Variants in HHLA1 observed in about 807,000 individuals in gnomAD.
HHLA1 encodes the protein HERV-H LTR-associating protein 1.
A neutral mutation model predicts 69.9 loss-of-function variants in HHLA1; 72 were observed. The observed-to-expected ratio is 1.03, with a 90% CI of 0.85 to 1.25. The LOEUF (loss-of-function observed/expected upper bound fraction) is 1.25, where lower values mean the gene tolerates loss of function less well. Among genes scored for constraint, HHLA1 ranks in the 50% most tolerant of loss-of-function variants. The pLI is 0.00. For synonymous variants in HHLA1, 252 were observed against 233.2 expected, an observed-to-expected ratio of 1.08 and a Z score of -0.73; for missense variants, 685 against 642.2, an observed-to-expected ratio of 1.07 and a Z score of -0.72.
At chr8:132,082,905 G>T (rs1041037857) in intron 10 of HHLA1, among the ~76,000 whole-genome samples, 24 of 151,944 alleles carry the variant, frequency 1.6e-4, no homozygotes, top group Admixed American at 2.6e-4. Flanking sequence ...AGTTTATAGG[G>T]TTTAAAAGGC....
At chr8:132,102,071 C>T (rs1285093647) in intron 3 of HHLA1, among the ~76,000 whole-genome samples, 2 of 152,168 alleles carry the variant, frequency 1.3e-5, no homozygotes. Context: ...ATTTTAGATA[C>T]CTCATGAAAG....
chr8:132,082,990 G>A (rs1173919269), intron 10 of HHLA1, among the ~76,000 whole-genome samples: 2 of 151,424 alleles, frequency 1.3e-5, no homozygotes, highest in East Asian at 1.9e-4. Context: ...TTGGCATTGA[G>A]TGGGGTAAGG....
At position 132,098,895 on chromosome 8, in the gene HHLA1, A is replaced by G. The variant is rs1327192705; in HGVS notation, c.267T>C (p.Ser89=). 2 of 1,549,260 alleles carry G rather than the reference A, an allele frequency of 1.3e-6. No homozygotes were observed. Among genetic ancestry groups the G allele is most frequent in the East Asian group, 2.4e-5 (1 of 40,910 alleles). ...AAATATGATTACCTTTTAACGCTCT[A>G]CTGAGCATCCCATTCACAAGCTCTG... ...NLTELVNGML[S]RALKDSKKFF... is the part of the protein sequence containing the mutation. Residue 89 remains serine (S), a synonymous_variant, in exon 5 of 17, where the codon AGT becomes AGC. Coordinates refer to ENST00000414222, the MANE Select transcript of HHLA1 (RefSeq NM_001145095.3).
intron 7 of HHLA1, among the ~76,000 whole-genome samples, chr8:132,091,043 T>C (rs2014357): frequency 0.089 from 13,484 of 152,234 alleles, 745 homozygotes; most frequent in South Asian, 0.23. Context: ...GACCAGTCTG[T>C]TCTTAGTCAT....
At chr8:132,066,769 AC>A (rs1171861311) in intron 15 of HHLA1, among the ~76,000 whole-genome samples, 1 of 152,238 alleles carries the variant, frequency 6.6e-6, no homozygotes, top group Admixed American at 6.5e-5. Context: ...AAGGGCTATC[AC>A]CCCCAATTTA....
chr8:132,074,300 A>G (rs1823598108), intron 14 of HHLA1, among the ~76,000 whole-genome samples: 3 of 151,688 alleles, frequency 2.0e-5, no homozygotes, highest in Non-Finnish European at 4.4e-5. Context: ...TCTCTTAAGA[A>G]TCTAGTCACT....
At chr8:132,090,143 T>C (rs1823925370) in intron 7 of HHLA1, among the ~76,000 whole-genome samples, 1 of 152,160 alleles carries the variant, frequency 6.6e-6, no homozygotes, top group African/African-American at 2.4e-5. Flanking sequence ...GAACTGATGG[T>C]GGTGCTGGTG....
At chr8:132,070,338 A>G (rs545524363) in intron 15 of HHLA1, 5 of 702,054 alleles carry the variant, frequency 7.1e-6, no homozygotes, top group East Asian at 2.7e-5. Context: ...AAGTTTTCCA[A>G]CTTATTTTGC....
chr8:132,083,352 C>T (rs1163886955), intron 10 of HHLA1, among the ~76,000 whole-genome samples: 2 of 151,980 alleles, frequency 1.3e-5, no homozygotes, highest in African/African-American at 2.4e-5. Flanking sequence ...GCAAGGGAAA[C>T]AGGCCCTTGA....
At chr8:132,108,291 C>T (rs933781116) in intron 1 of HHLA1, among the ~76,000 whole-genome samples, 4 of 151,924 alleles carry the variant, frequency 2.6e-5, no homozygotes, top group South Asian at 2.1e-4. Context: ...AAAGTAATGG[C>T]GAAAACCTCA....
At chr8:132,101,582 ATT>A (rs56123548) in intron 3 of HHLA1, among the ~76,000 whole-genome samples, 55 of 145,304 alleles carry the variant, frequency 3.8e-4, no homozygotes, top group East Asian at 1.0e-3. Flanking sequence ...TACCCTATTA[ATT>A]TTTTTTTTTT....
At chr8:132,070,509 G>C in intron 15 of HHLA1, 1 of 628,092 alleles carries the variant, frequency 1.6e-6, no homozygotes. Context: ...TACTTAACAT[G>C]ACACAAGTTA....
chr8:132,098,764 C>T (rs1270224284), intron 5 of HHLA1, 118 bp downstream of exon 5: 2 of 644,458 alleles, frequency 3.1e-6, no homozygotes, highest in African/African-American at 3.7e-5. Flanking sequence ...CCACTCTGAA[C>T]ACCGAGAAAC....
chr8:132,087,571 G>A (rs920520081), intron 10 of HHLA1, 82 bp downstream of exon 10: 3 of 808,994 alleles, frequency 3.7e-6, no homozygotes, highest in Admixed American at 2.3e-5. Context: ...CAACACCTGA[G>A]GGCAGCTTTC....
At chr8:132,074,644 A>G (rs1823603840) in intron 14 of HHLA1, among the ~76,000 whole-genome samples, 1 of 152,238 alleles carries the variant, frequency 6.6e-6, no homozygotes. Flanking sequence ...GAGAAATGCC[A>G]GAACCCCTTT....
intron 14 of HHLA1, 104 bp downstream of exon 14, chr8:132,075,951 A>C: frequency 1.2e-6 from 1 of 804,026 alleles, no homozygotes; most frequent in Admixed American, 2.3e-5. Context: ...GAATCCCATG[A>C]GTCTGATTTT....
Position 132,071,512 on chromosome 8 carries a change from G to T in HHLA1, c.1316-19C>A. The stretch of plus-strand genomic sequence containing the variant: ...GGACACCCTAGAAGATGCAATCCCA[G>T]ACCAATTAAATCAGTAAGAGTTTAG... On this transcript the variant is annotated intron_variant, in intron 14 of 16. Transcript: ENST00000414222. 1 of 1,549,912 alleles carries T rather than the reference G, an allele frequency of 6.5e-7. No homozygotes were observed. The highest frequency in any genetic ancestry group is 2.0e-5 in the Admixed American group (1 of 50,820).
At position 132,099,953 on chromosome 8, in the gene HHLA1, G is replaced by T. The variant is rs554182693; in HGVS notation, c.199+122C>A. The T allele has an allele frequency of 8.8e-6, 6 of 683,906 alleles. No homozygotes were observed. In the East Asian group the frequency reaches 1.7e-4, roughly 19 times the overall value. The allele number at this position is 683,906 out of a possible 1,614,324, so 42.4% of individuals were successfully genotyped here. A position where few individuals can be genotyped will look rare whatever the true frequency, so the allele number is the denominator to read the frequency against. On this transcript the variant is annotated intron_variant, in intron 4 of 16. Transcript: ENST00000414222. ...TTGTCTTCTTCAACTTTTACTTAAT[G>T]ATCAGATAATGATTAAAGAGATGAC...
At chr8:132,093,784 A>T (rs1823979290) in intron 7 of HHLA1, among the ~76,000 whole-genome samples, 1 of 152,144 alleles carries the variant, frequency 6.6e-6, no homozygotes, top group Non-Finnish European at 1.5e-5. Flanking sequence ...CCCAGCACAG[A>T]CTTCTATCCT....
Sources: allele counts gnomAD v4.1 joint callset (sites outside exome capture counted in the v4.1 genomes callset), GRCh38; gene constraint gnomAD v4.1.1; transcripts MANE v1.5; gene names NCBI Gene and HGNC (gene_info 2026-07-23, HGNC 2026-07-21).